The following RAD18 variants were observed in gnomAD, a reference collection of about 807,000 sequenced individuals.
The protein encoded by RAD18 is E3 ubiquitin-protein ligase RAD18.
In RAD18, 47 loss-of-function variants were observed where a neutral mutation model predicts 60.4. The ratio of observed to expected loss-of-function variants is 0.78; its 90% confidence interval spans 0.62 to 0.99. The LOEUF (loss-of-function observed/expected upper bound fraction) is 0.99, where lower values mean the gene tolerates loss of function less well. Among genes scored for constraint, RAD18 ranks in the 50% least tolerant of loss-of-function variants. RAD18 has a pLI of 0.00. For missense variants in RAD18, 640 were observed against 593.3 expected (o/e 1.08, Z -0.82); for synonymous variants, 225 against 195.5 (o/e 1.15, Z -1.26).
chr3:8,938,926 G>A (rs554851563), intron 6 of RAD18, among the ~76,000 whole-genome samples: 2 of 152,238 alleles, frequency 1.3e-5, no homozygotes, highest in Admixed American at 1.3e-4. Context: ...TAGTGGACTA[G>A]CATGAGAAAT....
intron 7 of RAD18, among the ~76,000 whole-genome samples, chr3:8,931,856 C>T (rs749139009): frequency 3.9e-5 from 6 of 151,946 alleles, no homozygotes; most frequent in East Asian, 1.9e-4. Context: ...TATACATGGC[C>T]GTTAGGATTT....
At chr3:8,948,164 G>A (rs1477576873) in intron 3 of RAD18, among the ~76,000 whole-genome samples, 2 of 152,132 alleles carry the variant, frequency 1.3e-5, no homozygotes, top group Non-Finnish European at 2.9e-5. Flanking sequence ...TTTACCTTCT[G>A]CACAAATACT....
chr3:8,890,178 C>T (rs1294013065), intron 12 of RAD18: 1 of 550,740 alleles, frequency 1.8e-6, no homozygotes, highest in African/African-American at 1.9e-5. Flanking sequence ...GAAATAACAT[C>T]TGATACATAA....
intron 6 of RAD18, among the ~76,000 whole-genome samples, chr3:8,937,800 G>C (rs140601328): frequency 2.3e-4 from 35 of 152,294 alleles, no homozygotes; most frequent in African/African-American, 6.5e-4. Context: ...AACACACTAA[G>C]AGGGGGATCC....
intron 4 of RAD18, among the ~76,000 whole-genome samples, chr3:8,943,615 G>GA (rs1191856330): frequency 6.6e-6 from 1 of 151,336 alleles, no homozygotes; most frequent in Non-Finnish European, 1.5e-5. Flanking sequence ...AGCAATACTA[G>GA]AAAAACCAAT....
chr3:8,881,821 C>A (rs1939468231), intron 12 of RAD18, among the ~76,000 whole-genome samples: 2 of 152,170 alleles, frequency 1.3e-5, no homozygotes, highest in Admixed American at 6.5e-5. Context: ...CCTTCAGAGA[C>A]CTGAGGTTTT....
intron 7 of RAD18, among the ~76,000 whole-genome samples, chr3:8,926,156 G>C (rs935162065): frequency 6.6e-6 from 1 of 152,114 alleles, no homozygotes; most frequent in Non-Finnish European, 1.5e-5. Flanking sequence ...TGTATATCTA[G>C]AAAACCCCAT....
Position 8,926,046 on chromosome 3 carries a change from TG to T in RAD18, c.889+9824del, listed in dbSNP as rs1434797540. Among the ~76,000 whole-genome samples the T allele has an allele frequency of 1.8e-4, 27 of 151,958 alleles. No individual in the cohort carries two copies. The East Asian group carries it at 4.6e-3, about 26-fold the overall frequency. On this transcript the variant is annotated intron_variant, in intron 7 of 12. Coordinates refer to ENST00000264926, the MANE Select transcript of RAD18 (RefSeq NM_020165.4). ...TCACCACTCCTATTCAACATAGTGT[TG>T]GAAGTTCTGGCCAGGGCAATTAGGC...
chr3:8,928,901 T>C (rs1017306339), intron 7 of RAD18, among the ~76,000 whole-genome samples: 4 of 152,176 alleles, frequency 2.6e-5, no homozygotes, highest in African/African-American at 9.6e-5. Flanking sequence ...CAGAACAGGT[T>C]CTTTGGCCAA....
chr3:8,906,481 T>C (rs1285703579), intron 9 of RAD18, among the ~76,000 whole-genome samples: 1 of 152,208 alleles, frequency 6.6e-6, no homozygotes, highest in African/African-American at 2.4e-5. Flanking sequence ...TAAACACTTC[T>C]GACCTCTCTA....
chr3:8,917,491 T>C (rs1023102575), intron 7 of RAD18, among the ~76,000 whole-genome samples: 1 of 152,120 alleles, frequency 6.6e-6, no homozygotes, highest in Non-Finnish European at 1.5e-5. Flanking sequence ...GTAAAAGGAA[T>C]TCATGACAAT....
intron 9 of RAD18, among the ~76,000 whole-genome samples, chr3:8,911,399 T>G (rs1275652277): frequency 6.6e-6 from 1 of 152,232 alleles, no homozygotes; most frequent in Non-Finnish European, 1.5e-5. Context: ...TCACTGATCA[T>G]TTGATATTCT....
chr3:8,921,027 C>G (rs1316465576), intron 7 of RAD18, among the ~76,000 whole-genome samples: 1 of 152,086 alleles, frequency 6.6e-6, no homozygotes, highest in Non-Finnish European at 1.5e-5. Context: ...AGAAATAATA[C>G]AAGGACATAT....
intron 9 of RAD18, among the ~76,000 whole-genome samples, chr3:8,906,719 G>C (rs2125052669): frequency 6.6e-6 from 1 of 150,850 alleles, no homozygotes; most frequent in Middle Eastern, 3.4e-3. Flanking sequence ...TCATGGAGGA[G>C]AGTAAATATA....
At chr3:8,939,326 T>C (rs1202346013) in intron 6 of RAD18, among the ~76,000 whole-genome samples, 1 of 152,186 alleles carries the variant, frequency 6.6e-6, no homozygotes, top group East Asian at 1.9e-4. Context: ...AGTCAAAATT[T>C]AGTAGCAGTT....
intron 9 of RAD18, among the ~76,000 whole-genome samples, chr3:8,911,406 T>C (rs1184756531): frequency 1.3e-5 from 2 of 152,232 alleles, no homozygotes; most frequent in Non-Finnish European, 2.9e-5. Flanking sequence ...TCATTTGATA[T>C]TCTCTTTTGT....
rs1363036592 is a variant in RAD18, at chr3:8,878,438, T to C, written c.*2919A>G. 6.6e-6 allele frequency: 1 copy of C among 152,212 alleles called. No homozygotes were observed. Among genetic ancestry groups the C allele is most frequent in the African/African-American group, 2.4e-5 (1 of 41,450 alleles). The allele number at this position is 152,212 out of a possible 1,614,324, so 9.4% of individuals were successfully genotyped here. On this transcript the variant is annotated 3_prime_UTR_variant, in exon 13 of 13. Transcript: ENST00000264926. ...CTCTTATGTTCATACTTTCATAATA[T>C]GTACATAACAGACAGAAGTGTTTCT...
At chr3:8,942,752 C>T (rs1317114412) in intron 4 of RAD18, among the ~76,000 whole-genome samples, 5 of 152,174 alleles carry the variant, frequency 3.3e-5, no homozygotes, top group African/African-American at 7.2e-5. Context: ...TGCTTTGACA[C>T]GTGGTAGCTA....
intron 2 of RAD18, among the ~76,000 whole-genome samples, chr3:8,953,968 G>A (rs1307579812): frequency 6.6e-6 from 1 of 152,184 alleles, no homozygotes. Context: ...GACAACATAA[G>A]ATTCTATTAG....
Sources: gnomAD v4.1 joint callset for allele counts (sites outside exome capture counted in the v4.1 genomes callset) on GRCh38, gnomAD v4.1.1 for gene constraint, MANE v1.5 for transcripts, NCBI Gene and HGNC (gene_info 2026-07-23, HGNC 2026-07-21) for gene names.